The following SND1 variants were observed in gnomAD, a reference collection of about 807,000 sequenced individuals.
SND1 encodes staphylococcal nuclease domain-containing protein 1.
Under a neutral mutation model 121.7 loss-of-function variants are expected in SND1, and 38 were observed. The ratio of observed to expected loss-of-function variants is 0.31; its 90% confidence interval spans 0.24 to 0.41. SND1 has a LOEUF of 0.41. SND1 is among the 10% of genes least tolerant of loss of function. The probability of loss-of-function intolerance (pLI) is 1.00; values close to 1 mark genes in which losing one functional copy is unlikely to be tolerated. For synonymous variants in SND1, 401 were observed against 447.4 expected, an observed-to-expected ratio of 0.90 and a Z score of 1.31; for missense variants, 868 against 1,184.6, an observed-to-expected ratio of 0.73 and a Z score of 3.92.
intron 12 of SND1, among the ~76,000 whole-genome samples, chr7:127,869,594 A>G (rs1261048742): frequency 6.6e-6 from 1 of 152,166 alleles, no homozygotes; most frequent in Non-Finnish European, 1.5e-5. Flanking sequence ...TGGCAAGGGT[A>G]GTAGAGAGAG....
chr7:127,678,206 C>T (rs1794644588), intron 1 of SND1, among the ~76,000 whole-genome samples: 1 of 152,160 alleles, frequency 6.6e-6, no homozygotes. Flanking sequence ...CAACCCCAAT[C>T]CTTGCTCTGC....
chr7:128,047,869 C>T (rs552855965), intron 16 of SND1, among the ~76,000 whole-genome samples: 3 of 150,320 alleles, frequency 2.0e-5, no homozygotes, highest in Non-Finnish European at 3.0e-5. Flanking sequence ...TTTTTTGAGA[C>T]GAAATTTCGC....
intron 3 of SND1, 103 bp downstream of exon 3, chr7:127,695,051 C>G (rs1795983766): frequency 4.2e-6 from 6 of 1,422,984 alleles, no homozygotes; most frequent in Non-Finnish European, 5.7e-6. Flanking sequence ...GGAGGAAGCT[C>G]TAGGACAGTT....
chr7:127,892,865 C>T (rs930866582), intron 13 of SND1, among the ~76,000 whole-genome samples: 4 of 146,886 alleles, frequency 2.7e-5, no homozygotes, highest in African/African-American at 1.0e-4. Context: ...AACTTGGTCT[C>T]CCTTTTTAGA....
intron 14 of SND1, among the ~76,000 whole-genome samples, chr7:127,914,209 C>G (rs975234493): frequency 1.3e-5 from 2 of 152,198 alleles, no homozygotes; most frequent in Non-Finnish European, 2.9e-5. Context: ...ATACTTCACC[C>G]GCAGTAGAGC....
chr7:128,012,623 A>G (rs1007020000), intron 16 of SND1, among the ~76,000 whole-genome samples: 1 of 151,728 alleles, frequency 6.6e-6, no homozygotes, highest in African/African-American at 2.4e-5. Context: ...GCCTATTCCA[A>G]CTCCCAAGCA....
At chr7:127,716,946 G>T (rs1417272221) in intron 9 of SND1, among the ~76,000 whole-genome samples, 1 of 152,206 alleles carries the variant, frequency 6.6e-6, no homozygotes, top group African/African-American at 2.4e-5. Context: ...ACCAAAAAGG[G>T]ATCAAGACTT....
intron 11 of SND1, among the ~76,000 whole-genome samples, chr7:127,818,024 A>G (rs1056401636): frequency 2.0e-5 from 3 of 152,008 alleles, no homozygotes; most frequent in African/African-American, 7.3e-5. Context: ...GAAGATTTGG[A>G]TATGGAGAAG....
intron 20 of SND1, chr7:128,086,526 G>A (rs562488496): frequency 8.3e-5 from 23 of 275,832 alleles, no homozygotes; most frequent in African/African-American, 3.4e-4. Flanking sequence ...AGGCAGGCCC[G>A]GTGACCACAG....
chr7:127,759,280 G>A (rs1270009476), intron 10 of SND1, among the ~76,000 whole-genome samples: 2 of 152,152 alleles, frequency 1.3e-5, no homozygotes, highest in African/African-American at 4.8e-5. Flanking sequence ...ATGGTGAGGT[G>A]CCTTGAAACT....
intron 16 of SND1, among the ~76,000 whole-genome samples, chr7:128,062,697 TA>T (rs1793250965): frequency 6.6e-6 from 1 of 152,096 alleles, no homozygotes; most frequent in Admixed American, 6.6e-5. Context: ...AATCAGATGG[TA>T]AAAGAGAAGG....
chr7:127,945,472 C>T (rs1801309327), intron 15 of SND1, among the ~76,000 whole-genome samples: 1 of 151,568 alleles, frequency 6.6e-6, no homozygotes, highest in African/African-American at 2.4e-5. Context: ...GCCTGGGTGA[C>T]AGAGCGAGAC....
At chr7:127,715,386 A>G (rs1796369229) in intron 9 of SND1, among the ~76,000 whole-genome samples, 1 of 152,038 alleles carries the variant, frequency 6.6e-6, no homozygotes, top group South Asian at 2.1e-4. Flanking sequence ...TTACATGGGT[A>G]TATTGTTTGG....
At chr7:127,949,449 C>G (rs1230108202) in intron 15 of SND1, among the ~76,000 whole-genome samples, 2 of 152,184 alleles carry the variant, frequency 1.3e-5, no homozygotes, top group Non-Finnish European at 1.5e-5. Context: ...TGCATACACA[C>G]TGAGAAAGTA....
chr7:128,074,594 G>A lies in SND1; in HGVS notation c.1872G>A (p.Glu624=), dbSNP rs1489196817. The change falls in exon 17 of 24, where the codon GAG becomes GAA. Residue 624 remains glutamate (E), a synonymous_variant. Transcript: ENST00000354725. ...DGANLSVLLV[E]HALSKVHFTA... is the part of the protein sequence containing the mutation. The stretch of plus-strand genomic sequence containing the variant: ...CCAACCTGTCCGTCCTGCTGGTGGA[G>A]CACGCGCTCTCCAAGGTCCACTTCA... 24 of 1,613,842 alleles carry A rather than the reference G, an allele frequency of 1.5e-5. No individual in the cohort carries two copies. Among genetic ancestry groups the A allele is most frequent in the Non-Finnish European group, 2.0e-5 (24 of 1,179,984 alleles).
At chr7:128,051,165 A>G (rs1185626309) in intron 16 of SND1, among the ~76,000 whole-genome samples, 2 of 152,210 alleles carry the variant, frequency 1.3e-5, no homozygotes, top group Non-Finnish European at 2.9e-5. Context: ...CAGTGTCACC[A>G]AATCCTTCCC....
chr7:127,826,200 A>G (rs1798640281), intron 11 of SND1, among the ~76,000 whole-genome samples: 1 of 152,178 alleles, frequency 6.6e-6, no homozygotes. Context: ...TCAAAAATAA[A>G]ATAAAGTTGA....
At chr7:127,859,082 A>G (rs1215408923) in intron 12 of SND1, among the ~76,000 whole-genome samples, 2 of 152,150 alleles carry the variant, frequency 1.3e-5, no homozygotes. Context: ...ATCATTCCAG[A>G]TGCCATTATG....
intron 15 of SND1, among the ~76,000 whole-genome samples, chr7:127,955,911 G>A (rs1341096639): frequency 3.3e-5 from 5 of 151,882 alleles, no homozygotes; most frequent in Admixed American, 6.6e-5. Flanking sequence ...TTCTAGCTTC[G>A]TTACCCACAT....
Sources: allele counts gnomAD v4.1 joint callset (sites outside exome capture counted in the v4.1 genomes callset), GRCh38; gene constraint gnomAD v4.1.1; transcripts MANE v1.5; gene names NCBI Gene and HGNC (gene_info 2026-07-23, HGNC 2026-07-21).